The following MAF variants were observed in gnomAD, a reference collection of about 807,000 sequenced individuals.
MAF encodes transcription factor Maf.
MAF carries 10 observed loss-of-function variants against 22.0 expected under a neutral mutation model. The observed-to-expected ratio is 0.45, with a 90% confidence interval of 0.28 to 0.77. The LOEUF (loss-of-function observed/expected upper bound fraction) is 0.77. Ranked by LOEUF, MAF falls within the 30% of genes least tolerant of loss-of-function variation. The probability of loss-of-function intolerance (pLI) is 0.12; values close to 1 mark genes in which losing one functional copy is unlikely to be tolerated. For synonymous variants in MAF, 337 were observed against 255.8 expected, an observed-to-expected ratio of 1.32 and a Z score of -3.03; for missense variants, 544 against 548.4, an observed-to-expected ratio of 0.99 and a Z score of 0.08.
At chr16:79,460,171 T>G in the MAF span, among the ~76,000 whole-genome samples, 1 of 152,222 alleles carries the variant, frequency 6.6e-6, no homozygotes, top group Non-Finnish European at 1.5e-5. Flanking sequence ...TTATTTTGAA[T>G]TTTGTTTATA....
the MAF span, among the ~76,000 whole-genome samples, chr16:79,453,252 C>A: frequency 6.6e-6 from 1 of 152,240 alleles, no homozygotes; most frequent in East Asian, 1.9e-4. Context: ...CCTTAGGGAC[C>A]AATCCCATCT....
downstream of MAF, among the ~76,000 whole-genome samples, chr16:79,592,211 A>C (rs1913229152): frequency 6.6e-6 from 1 of 152,104 alleles, no homozygotes; most frequent in Non-Finnish European, 1.5e-5. Context: ...TTGTTTGTTT[A>C]GTTTTGTTTT....
At chr16:79,207,853 A>G in the MAF span, among the ~76,000 whole-genome samples, 1 of 152,146 alleles carries the variant, frequency 6.6e-6, no homozygotes, top group Non-Finnish European at 1.5e-5. Context: ...AAAGGAGTCA[A>G]TATGCATTTG....
chr16:79,205,636 T>A, the MAF span: 6 of 152,170 alleles, frequency 3.9e-5, no homozygotes, highest in Admixed American at 2.0e-4. Flanking sequence ...TAATAAAGGT[T>A]AAGAATAGCC....
chr16:79,598,150 G>GA (rs965326165), intron 1 of MAF: 216 of 1,031,566 alleles, frequency 2.1e-4, no homozygotes, highest in East Asian at 7.5e-4. Context: ...CTCAGGAGAA[G>GA]AAAAAAAAAC....
chr16:79,510,199 A>G, the MAF span, among the ~76,000 whole-genome samples: 1 of 152,230 alleles, frequency 6.6e-6, no homozygotes, highest in Non-Finnish European at 1.5e-5. Context: ...TATAGTGCTT[A>G]GAAGCACATT....
chr16:79,237,246 A>G, the MAF span, among the ~76,000 whole-genome samples: 10,984 of 152,134 alleles, frequency 0.072, 582 homozygotes, highest in Middle Eastern at 0.15. Context: ...ATATCTCCCC[A>G]AGACAGGGAG....
At chr16:79,564,526 C>A in the MAF span, among the ~76,000 whole-genome samples, 1 of 152,208 alleles carries the variant, frequency 6.6e-6, no homozygotes, top group Admixed American at 6.5e-5. Context: ...AAGACTTCCA[C>A]TGGGCACATC....
At chr16:79,441,153 A>G in the MAF span, among the ~76,000 whole-genome samples, 599 of 152,330 alleles carry the variant, frequency 3.9e-3, 5 homozygotes, top group African/African-American at 0.014. Context: ...CTTGAAAACA[A>G]AAGAGTGAGC....
At chr16:79,251,332 T>TTTA in the MAF span, among the ~76,000 whole-genome samples, 1 of 150,916 alleles carries the variant, frequency 6.6e-6, no homozygotes. Flanking sequence ...TTTTTTTTTT[T>TTTA]GAGACGGAGT....
the MAF span, among the ~76,000 whole-genome samples, chr16:79,494,725 C>T: frequency 2.5e-3 from 387 of 152,200 alleles, 3 homozygotes; most frequent in East Asian, 0.022. Context: ...CTGAGTGTCC[C>T]GGTAACCGCC....
chr16:79,255,883 A>G, the MAF span, among the ~76,000 whole-genome samples: 2 of 151,496 alleles, frequency 1.3e-5, no homozygotes, highest in African/African-American at 2.4e-5. Flanking sequence ...AGTCCTTTTC[A>G]TGGTACCTGG....
chr16:79,235,145 G>A, the MAF span, among the ~76,000 whole-genome samples: 4 of 152,062 alleles, frequency 2.6e-5, no homozygotes, highest in African/African-American at 9.7e-5. Context: ...TGCAGCCAAA[G>A]CTCACCGGGA....
At chr16:79,432,606 T>C in the MAF span, among the ~76,000 whole-genome samples, 2 of 152,278 alleles carry the variant, frequency 1.3e-5, no homozygotes, top group Non-Finnish European at 2.9e-5. Context: ...GGGGGGAACA[T>C]TGTATTTCAG....
downstream of MAF, chr16:79,593,777 A>ATT (rs11307570): frequency 3.9e-3 from 680 of 172,960 alleles, 5 homozygotes; most frequent in East Asian, 0.011. Context: ...AAAGGAGGTG[A>ATT]TTTTTTTTTT....
the MAF span, among the ~76,000 whole-genome samples, chr16:79,227,269 T>G: frequency 9.9e-5 from 15 of 152,148 alleles, no homozygotes; most frequent in African/African-American, 3.1e-4. Flanking sequence ...GGGGATCGCC[T>G]GGGCCTGGGA....
chr16:79,252,733 G>T, the MAF span, among the ~76,000 whole-genome samples: 1 of 152,012 alleles, frequency 6.6e-6, no homozygotes, highest in African/African-American at 2.4e-5. Context: ...CAGGTGATCC[G>T]CCCGCCTCAG....
chr16:79,331,039 A>G, the MAF span, among the ~76,000 whole-genome samples: 2 of 152,202 alleles, frequency 1.3e-5, no homozygotes, highest in Non-Finnish European at 2.9e-5. Flanking sequence ...CTGGGCTCAG[A>G]TGGGAAATGG....
At chr16:79,429,345 C>A in the MAF span, among the ~76,000 whole-genome samples, 3 of 152,164 alleles carry the variant, frequency 2.0e-5, no homozygotes, top group Non-Finnish European at 4.4e-5. Context: ...AGCAGAGGAC[C>A]GACGGAGGGA....
Sources: allele counts gnomAD v4.1 joint callset (sites outside exome capture counted in the v4.1 genomes callset), GRCh38; gene constraint gnomAD v4.1.1; transcripts MANE v1.5; gene names NCBI Gene and HGNC (gene_info 2026-07-23, HGNC 2026-07-21).